The following KAT7 variants were observed in gnomAD, a reference collection of about 807,000 sequenced individuals.
KAT7 encodes the protein histone acetyltransferase KAT7.
A neutral mutation model predicts 82.1 loss-of-function variants in KAT7; 10 were observed. The ratio of observed to expected loss-of-function variants is 0.12; its 90% CI spans 0.08 to 0.21. The LOEUF is 0.21. Among genes scored for constraint, KAT7 ranks in the 10% least tolerant of loss-of-function variants. The pLI, the probability that KAT7 is intolerant of heterozygous loss-of-function variation, is 1.00. For synonymous variants in KAT7, 250 were observed against 262.5 expected, an observed-to-expected ratio of 0.95 and a Z score of 0.46; for missense variants, 378 against 760.9, an observed-to-expected ratio of 0.50 and a Z score of 5.92.
intron 4 of KAT7, among the ~76,000 whole-genome samples, chr17:49,805,046 TC>T (rs1009416088): frequency 4.6e-5 from 7 of 152,292 alleles, no homozygotes; most frequent in African/African-American, 7.2e-5. Flanking sequence ...AAGAAAGTGT[TC>T]CTGTTCATAG....
At chr17:49,800,384 TC>T (rs1172613835) in intron 4 of KAT7, among the ~76,000 whole-genome samples, 3 of 152,150 alleles carry the variant, frequency 2.0e-5, no homozygotes, top group Non-Finnish European at 2.9e-5. Flanking sequence ...TGTCTTGAAC[TC>T]CATACCAGTT....
intron 9 of KAT7, among the ~76,000 whole-genome samples, chr17:49,818,388 C>T (rs1274830638): frequency 2.6e-5 from 4 of 152,172 alleles, no homozygotes; most frequent in Admixed American, 6.5e-5. Flanking sequence ...CAGCATGGCT[C>T]ACCTTCATAT....
rs916508647 is a variant in KAT7, at chr17:49,832,523, A to G, written c.*5021A>G. On this transcript the variant is annotated 3_prime_UTR_variant, in exon 15 of 15. Coordinates refer to ENST00000259021, the MANE Select transcript of KAT7 (RefSeq NM_007067.5). The stretch of plus-strand genomic sequence containing the variant: ...CACACATTTGTCTATAGTTGAGGAA[A>G]TTGTGCCGTTGAAGTCCATTCTTGG... The G allele has an allele frequency of 6.6e-6, 1 of 152,296 alleles. No individual in the cohort carries two copies. Among genetic ancestry groups the G allele is most frequent in the African/African-American group, 2.4e-5 (1 of 41,562 alleles). The allele number at this position is 152,296 out of a possible 1,614,324, so 9.4% of individuals were successfully genotyped here. A position where few individuals can be genotyped will look rare whatever the true frequency, so the allele number is the denominator to read the frequency against.
chr17:49,798,287 C>T (rs1454923218), intron 3 of KAT7, 32 bp from the exon 4 acceptor site: 2 of 1,605,204 alleles, frequency 1.2e-6, no homozygotes, highest in Non-Finnish European at 8.5e-7. Flanking sequence ...ATGAACTCCA[C>T]TCATAACTTC....
rs1329035636 is a variant in KAT7, at chr17:49,809,171, G to A, written c.716G>A (p.Arg239Lys). ...KQIEERMLSH[R>K]QDDNNRHATR... ...ATAGAAGAAAGGATGCTGTCTCACA[G>A]GCAAGATGACAACAACAGGCATGCA... Residue 239 changes from arginine to lysine, a missense_variant, in exon 6 of 15, where the codon AGG (arginine) becomes AAG (lysine). Physicochemically the swap from Arg to Lys is conservative, Grantham distance 26 (BLOSUM62 2). Transcript: ENST00000259021. 1 of 1,614,140 alleles carries A rather than the reference G, an allele frequency of 6.2e-7. No individual in the cohort carries two copies. The highest frequency in any genetic ancestry group is 8.5e-7 in the Non-Finnish European group (1 of 1,179,978).
chr17:49,789,446 C>CCGGTTGCCTCCAAG (rs1555600679), intron 1 of KAT7: 1 of 152,154 alleles, frequency 6.6e-6, no homozygotes, highest in Non-Finnish European at 1.5e-5. Flanking sequence ...CCCTCTCAGG[C>CCGGTTGCCTCCAAG]CAGTTGCCTC....
At chr17:49,804,724 G>A (rs1001980666) in intron 4 of KAT7, among the ~76,000 whole-genome samples, 4 of 152,128 alleles carry the variant, frequency 2.6e-5, no homozygotes, top group African/African-American at 9.7e-5. Context: ...TTTGAGCCAT[G>A]GTTGCACCAC....
intron 2 of KAT7, among the ~76,000 whole-genome samples, chr17:49,795,953 A>T (rs2073950243): frequency 6.6e-6 from 1 of 151,774 alleles, no homozygotes; most frequent in Non-Finnish European, 1.5e-5. Flanking sequence ...GTGAAGAGCA[A>T]GCTATGATTA....
chr17:49,788,958 C>T (rs940861509), intron 1 of KAT7, 109 bp downstream of exon 1: 4 of 1,064,672 alleles, frequency 3.8e-6, no homozygotes, highest in Non-Finnish European at 3.9e-6. Context: ...TCCGCTCCCC[C>T]GAACCTTGTT....
At chr17:49,809,828 C>T (rs565174206) in intron 6 of KAT7, among the ~76,000 whole-genome samples, 1 of 152,336 alleles carries the variant, frequency 6.6e-6, no homozygotes, top group East Asian at 1.9e-4. Context: ...CAGTTCTCAG[C>T]TGTTGGAGGA....
chr17:49,820,569 G>C (rs1031066845), intron 9 of KAT7, among the ~76,000 whole-genome samples: 1 of 152,064 alleles, frequency 6.6e-6, no homozygotes, highest in Non-Finnish European at 1.5e-5. Flanking sequence ...GTGAGCCACC[G>C]CATCAGGCCT....
intron 7 of KAT7, chr17:49,815,304 T>A (rs906104515): frequency 6.6e-6 from 1 of 152,498 alleles, no homozygotes; most frequent in African/African-American, 2.4e-5. Context: ...TTCATCCAGC[T>A]GCCCCTGCCC....
rs2074448931 is a variant in KAT7, at chr17:49,834,610, G to A, written c.*7108G>A. 1 of 152,218 alleles carries A rather than the reference G, an allele frequency of 6.6e-6. No individual in the cohort carries two copies. The highest frequency in any genetic ancestry group is 6.5e-5 in the Admixed American group (1 of 15,282). The allele number at this position is 152,218 out of a possible 1,614,324, so 9.4% of individuals were successfully genotyped here. A position where few individuals can be genotyped will look rare whatever the true frequency, so the allele number is the denominator to read the frequency against. Reference sequence around the variant, plus strand: ...ATTCCCTTACACATAACCTCAACGTGCAACAGGATTAGTCTATTATTCCCT... The same window carrying A: ...ATTCCCTTACACATAACCTCAACGTACAACAGGATTAGTCTATTATTCCCT... On this transcript the variant is annotated 3_prime_UTR_variant, in exon 15 of 15. Coordinates refer to ENST00000259021, the MANE Select transcript of KAT7 (RefSeq NM_007067.5).
At position 49,808,267 on chromosome 17, in the gene KAT7, G is replaced by A. The variant is rs143991434; in HGVS notation, c.664-852G>A. On this transcript the variant is annotated intron_variant, in intron 5 of 14. Coordinates refer to ENST00000259021, the MANE Select transcript of KAT7 (RefSeq NM_007067.5). ...CTCAAGTAGCTGGGATTACAGGTGT[G>A]CGCCACCACGCCTGGCTAGTTTTTG... is the stretch of plus-strand genomic sequence containing the variant. Among the ~76,000 whole-genome samples, 912 of 151,162 alleles carry A rather than the reference G, an allele frequency of 6.0e-3. 3 individuals carry two copies. Among genetic ancestry groups the A allele is most frequent in the Non-Finnish European group, 8.2e-3 (559 of 67,834 alleles).
Position 49,830,210 on chromosome 17 carries a change from A to ATTTTTT in KAT7, c.*2708_*2709insTTTTTT, listed in dbSNP as rs1321415971. The ATTTTTT allele has an allele frequency of 9.1e-6, 1 of 110,358 alleles. No homozygotes were observed. The highest frequency in any genetic ancestry group is 1.8e-5 in the Non-Finnish European group (1 of 54,238). The allele number at this position is 110,358 out of a possible 1,614,324, so 6.8% of individuals were successfully genotyped here. On this transcript the variant is annotated 3_prime_UTR_variant, in exon 15 of 15. Coordinates refer to ENST00000259021, the MANE Select transcript of KAT7 (RefSeq NM_007067.5). ...TTTTTTTTTTTTTTTTTTTTTTTTA[A>ATTTTTT]AAAAAGACAGTCTCACTCTATCATC...
chr17:49,793,360 G>A (rs1005036108), intron 2 of KAT7, among the ~76,000 whole-genome samples: 1 of 152,146 alleles, frequency 6.6e-6, no homozygotes, highest in Admixed American at 6.5e-5. Flanking sequence ...GAATCTTGGG[G>A]TTGGAAGGTA....
chr17:49,791,773 A>G, intron 1 of KAT7, 113 bp from the exon 2 acceptor site: 1 of 1,014,302 alleles, frequency 9.9e-7, no homozygotes, highest in Non-Finnish European at 1.5e-6. Context: ...TGGAATCCTT[A>G]TTTAGGTTTG....
chr17:49,806,355 A>G (rs995618478), intron 5 of KAT7, among the ~76,000 whole-genome samples: 1 of 152,216 alleles, frequency 6.6e-6, no homozygotes, highest in African/African-American at 2.4e-5. Context: ...CTTTCAGCAA[A>G]GTAGTGTACT....
chr17:49,810,406 G>T, intron 6 of KAT7, among the ~76,000 whole-genome samples: 2 of 151,988 alleles, frequency 1.3e-5, no homozygotes, highest in Non-Finnish European at 2.9e-5. Context: ...ACAGGGGCAC[G>T]CCACCACGCC....
Sources: gnomAD v4.1 joint callset for allele counts (sites outside exome capture counted in the v4.1 genomes callset) on GRCh38, gnomAD v4.1.1 for gene constraint, MANE v1.5 for transcripts, NCBI Gene and HGNC (gene_info 2026-07-23, HGNC 2026-07-21) for gene names.